The following DNAAF9 variants were observed in gnomAD, a reference collection of about 807,000 sequenced individuals.
The protein encoded by DNAAF9 is dynein axonemal assembly factor 9, also known as shulin.
Under a neutral mutation model 167.0 loss-of-function variants are expected in DNAAF9, and 90 were observed. That is an observed-to-expected ratio of 0.54 (90% confidence interval 0.45 to 0.64). The LOEUF is 0.64. DNAAF9 is among the 30% of genes least tolerant of loss of function. The pLI is 0.00. For missense variants in DNAAF9, 1,315 were observed against 1,442.2 expected, an observed-to-expected ratio of 0.91 and a Z score of 1.43; for synonymous variants, 491 against 508.8, an observed-to-expected ratio of 0.96 and a Z score of 0.47.
chr20:3,353,447 A>G (rs2070365109), intron 7 of DNAAF9, among the ~76,000 whole-genome samples: 1 of 152,042 alleles, frequency 6.6e-6, no homozygotes, highest in Admixed American at 6.6e-5. Context: ...GCAACACAGC[A>G]AGGCCCTGTC....
intron 1 of DNAAF9, among the ~76,000 whole-genome samples, chr20:3,396,130 CTG>C (rs1356289665): frequency 6.6e-6 from 1 of 152,226 alleles, no homozygotes; most frequent in Non-Finnish European, 1.5e-5. Flanking sequence ...CCACGTGGAA[CTG>C]TGAGTCCAAT....
chr20:3,267,079 C>T (rs763102627), intron 30 of DNAAF9, among the ~76,000 whole-genome samples: 21 of 151,870 alleles, frequency 1.4e-4, no homozygotes, highest in Non-Finnish European at 2.2e-4. Context: ...TTCGAACTCC[C>T]GACCTCAGGT....
At chr20:3,275,449 T>A (rs2068661130) in intron 29 of DNAAF9, among the ~76,000 whole-genome samples, 3 of 152,144 alleles carry the variant, frequency 2.0e-5, no homozygotes, top group Admixed American at 2.0e-4. Flanking sequence ...GGGATCTGGG[T>A]CTCTGACAGA....
chr20:3,352,466 C>T (rs1276696879), intron 7 of DNAAF9, among the ~76,000 whole-genome samples: 1 of 152,050 alleles, frequency 6.6e-6, no homozygotes, highest in Non-Finnish European at 1.5e-5. Context: ...CCTTCAATGT[C>T]TGTCTGACCT....
rs185577542 is a variant in DNAAF9 at position 3,299,471 on chromosome 20, C to T, written c.1783-1296G>A. On this transcript the variant is annotated intron_variant, in intron 21 of 36. Transcript: ENST00000252032. ...GATTACAGGCATCCACCCACCACAC[C>T]CAGCTAATTTTTGTATTTTTAGTAG... is the stretch of plus-strand genomic sequence containing the variant. 4.3e-3 allele frequency among the ~76,000 whole-genome samples: 656 copies of T among 152,092 alleles called. 3 individuals carry two copies. The highest frequency in any genetic ancestry group is 0.015 in the African/African-American group (622 of 41,468).
At chr20:3,299,304 CTTTT>C (rs1016642435) in intron 21 of DNAAF9, among the ~76,000 whole-genome samples, 1 of 151,978 alleles carries the variant, frequency 6.6e-6, no homozygotes, top group Non-Finnish European at 1.5e-5. Context: ...TTCCCAGCAC[CTTTT>C]TTGTTTGTTG....
chr20:3,260,207 C>T (rs6051686), intron 31 of DNAAF9, among the ~76,000 whole-genome samples, 179 bp from the exon 32 acceptor site: 25,000 of 151,412 alleles, frequency 0.17, 2,244 homozygotes, highest in Non-Finnish European at 0.19. Flanking sequence ...GGCGCGGTGG[C>T]GGGCGCCTGT....
chr20:3,297,968 T>A, intron 22 of DNAAF9, 61 bp downstream of exon 22: 2 of 1,358,420 alleles, frequency 1.5e-6, no homozygotes, highest in South Asian at 1.2e-5. Context: ...TGCCTTACCA[T>A]TTAAATTGCT....
At chr20:3,394,056 G>A (rs1268873571) in intron 1 of DNAAF9, among the ~76,000 whole-genome samples, 3 of 151,934 alleles carry the variant, frequency 2.0e-5, no homozygotes, top group Non-Finnish European at 4.4e-5. Context: ...AGTTGTATTG[G>A]GCCGGGTGCA....
intron 10 of DNAAF9, among the ~76,000 whole-genome samples, chr20:3,338,021 C>A (rs531001830): frequency 6.8e-6 from 1 of 146,482 alleles, no homozygotes; most frequent in East Asian, 2.0e-4. Flanking sequence ...TTATATATTA[C>A]GTTATATATA....
Position 3,382,492 on chromosome 20 carries a change from C to T in DNAAF9, c.98G>A (p.Arg33Gln), listed in dbSNP as rs777224462. 4.3e-5 allele frequency: 70 copies of T among 1,613,596 alleles called. No individual in the cohort carries two copies. The highest frequency in any genetic ancestry group is 5.4e-5 in the Non-Finnish European group (64 of 1,179,724). The change falls in exon 2 of 37, where the codon CGG (arginine) becomes CAG (glutamine). Residue 33 changes from arginine to glutamine, a missense_variant. Arg to Gln is a conservative substitution (Grantham distance 43). Around this residue, in one of 2 missense-constraint regions of DNAAF9, gnomAD observed 981 missense variants for 1,012.5 expected, o/e 0.97. Coordinates refer to ENST00000252032, the MANE Select transcript of DNAAF9 (RefSeq NM_001009984.3). ...GSPSVSCSRL[R>Q]QVQSILTQSS... The stretch of plus-strand genomic sequence containing the variant: ...CTGGGTCAGGATGCTCTGAACCTGC[C>T]GAAGTCGACTGCAGCTGCAACAAGA...
At chr20:3,371,489 G>A (rs534078164) in intron 6 of DNAAF9, among the ~76,000 whole-genome samples, 212 of 151,584 alleles carry the variant, frequency 1.4e-3, no homozygotes, top group African/African-American at 4.8e-3. Context: ...GACTACAGGC[G>A]CCTGCCACCA....
chr20:3,331,446 C>A (rs1243832252), intron 11 of DNAAF9, among the ~76,000 whole-genome samples: 1 of 152,128 alleles, frequency 6.6e-6, no homozygotes, highest in Non-Finnish European at 1.5e-5. Context: ...CTGAGACCTG[C>A]GTTCATTCCA....
chr20:3,293,511 CCT>C (rs2069004615), intron 25 of DNAAF9, among the ~76,000 whole-genome samples: 1 of 150,568 alleles, frequency 6.6e-6, no homozygotes, highest in Non-Finnish European at 1.5e-5. Flanking sequence ...ATGGTGAAAC[CCT>C]GTCTCTACTA....
At chr20:3,260,077 C>A in intron 31 of DNAAF9, 49 bp from the exon 32 acceptor site, 1 of 1,041,662 alleles carries the variant, frequency 9.6e-7, no homozygotes, top group Non-Finnish European at 1.5e-6. Context: ...CGGTGGCTCA[C>A]GCCTGTAATC....
chr20:3,290,074 G>T, intron 26 of DNAAF9, 55 bp downstream of exon 26: 1 of 1,139,696 alleles, frequency 8.8e-7, no homozygotes, highest in Non-Finnish European at 1.3e-6. Flanking sequence ...CCAGTGCCTA[G>T]GCAGGCCCAA....
chr20:3,376,335 G>T (rs771956410), intron 3 of DNAAF9, 33 bp from the exon 4 acceptor site: 5 of 1,541,494 alleles, frequency 3.2e-6, no homozygotes, highest in Non-Finnish European at 4.4e-6. Flanking sequence ...ACACAAGACT[G>T]TCAAACACAT....
intron 23 of DNAAF9, chr20:3,296,088 G>A: frequency 1.4e-6 from 1 of 717,580 alleles, no homozygotes; most frequent in South Asian, 1.3e-5. Flanking sequence ...GAACAGTGAA[G>A]CTTGTTTGGA....
chr20:3,402,579 C>CTT (rs370700302), intron 1 of DNAAF9, among the ~76,000 whole-genome samples: 1 of 146,956 alleles, frequency 6.8e-6, no homozygotes. Flanking sequence ...ATAAGATCAA[C>CTT]TTTTTTTTTT....
Sources: allele counts gnomAD v4.1 joint callset (sites outside exome capture counted in the v4.1 genomes callset), GRCh38; gene constraint gnomAD v4.1.1; regional missense constraint gnomAD v4.1.1; transcripts MANE v1.5; gene names NCBI Gene and HGNC (gene_info 2026-07-23, HGNC 2026-07-21).